JMY: variants seen among roughly 807,000 people sequenced by gnomAD.
JMY encodes the protein junction mediating and regulatory protein, p53 cofactor.
JMY carries 46 observed loss-of-function variants against 103.3 expected under a neutral mutation model. The observed-to-expected ratio is 0.45, with a 90% CI of 0.35 to 0.57. The LOEUF (loss-of-function observed/expected upper bound fraction) is 0.57. JMY is among the 20% of genes least tolerant of loss of function. The probability of loss-of-function intolerance (pLI) is 0.00; values close to 1 mark genes in which losing one functional copy is unlikely to be tolerated. For missense variants in JMY, 1,238 were observed against 1,255.2 expected, an observed-to-expected ratio of 0.99 and a Z score of 0.21; for synonymous variants, 526 against 489.3, an observed-to-expected ratio of 1.07 and a Z score of -0.99.
At chr5:79,305,327 C>T (rs924176868) in intron 6 of JMY, among the ~76,000 whole-genome samples, 1 of 152,016 alleles carries the variant, frequency 6.6e-6, no homozygotes, top group Non-Finnish European at 1.5e-5. Flanking sequence ...TGGCATGCGC[C>T]TGTAGTCCCA....
Position 79,314,284 on chromosome 5 carries a change from T to G in JMY, c.2092T>G (p.Ser698Ala). 1 of 1,613,006 alleles carries G rather than the reference T, an allele frequency of 6.2e-7. No homozygotes were observed. Among genetic ancestry groups the G allele is most frequent in the South Asian group, 1.1e-5 (1 of 90,838 alleles). Reference protein sequence around the residue: ...QRYPGQVILKSTRLRLAHARR... With the variant: ...QRYPGQVILKATRLRLAHARR... The stretch of plus-strand genomic sequence containing the variant: ...GTATCCTGGGCAAGTCATACTTAAA[T>G]CAACCAGATTACGACTAGCTCATGC... The change falls in exon 9 of 11, where the codon TCA (serine) becomes GCA (alanine). Residue 698 changes from serine to alanine, a missense_variant. Transcript: ENST00000396137.
intron 7 of JMY, among the ~76,000 whole-genome samples, chr5:79,310,988 T>C (rs1410385303): frequency 6.6e-6 from 1 of 152,162 alleles, no homozygotes; most frequent in African/African-American, 2.4e-5. Flanking sequence ...TAGCTGGGCA[T>C]GGTGGCGTAT....
At chr5:79,302,261 C>A (rs1448766240) in intron 6 of JMY, among the ~76,000 whole-genome samples, 1 of 152,008 alleles carries the variant, frequency 6.6e-6, no homozygotes, top group Non-Finnish European at 1.5e-5. Flanking sequence ...AATTTGCAAA[C>A]CTGCAAGTTT....
intron 1 of JMY, among the ~76,000 whole-genome samples, chr5:79,265,852 C>T (rs1214728815): frequency 6.7e-6 from 1 of 149,526 alleles, no homozygotes; most frequent in Non-Finnish European, 1.5e-5. Context: ...ACGATCTCGG[C>T]TCACTGCAAC....
At chr5:79,293,715 A>G (rs1258421003) in intron 4 of JMY, among the ~76,000 whole-genome samples, 5 of 152,240 alleles carry the variant, frequency 3.3e-5, no homozygotes, top group Non-Finnish European at 7.3e-5. Flanking sequence ...CTCTTATTTC[A>G]GAATGACTGC....
At position 79,314,303 on chromosome 5, in the gene JMY, C is replaced by T. The variant is rs1288088570; in HGVS notation, c.2111C>T (p.Ala704Val). Residue 704 changes from alanine (A) to valine (V), a missense_variant, in exon 9 of 11, where the codon GCT (alanine) becomes GTT (valine). Coordinates refer to ENST00000396137, the MANE Select transcript of JMY (RefSeq NM_152405.5). ...CTTAAATCAACCAGATTACGACTAG[C>T]TCATGCAAGAAGAAAAGGTGCAGCA... ...VILKSTRLRLAHARRKGAASP... is the reference protein window; with the variant it reads ...VILKSTRLRLVHARRKGAASP... 1.2e-6 allele frequency: 2 copies of T among 1,614,062 alleles called. No homozygotes were observed. The highest frequency in any genetic ancestry group is 1.7e-5 in the Admixed American group (1 of 60,022).
At chr5:79,244,440 G>A (rs1396783979) in intron 1 of JMY, among the ~76,000 whole-genome samples, 1 of 152,134 alleles carries the variant, frequency 6.6e-6, no homozygotes, top group Non-Finnish European at 1.5e-5. Context: ...GGAGAAGATG[G>A]GTGGGAAAAT....
intron 1 of JMY, among the ~76,000 whole-genome samples, chr5:79,266,049 TG>T (rs1745579583): frequency 6.6e-6 from 1 of 152,202 alleles, no homozygotes; most frequent in Non-Finnish European, 1.5e-5. Flanking sequence ...CCCAAAGTGC[TG>T]GGATTATAGG....
intron 1 of JMY, among the ~76,000 whole-genome samples, chr5:79,267,659 C>T (rs1745623258): frequency 6.6e-6 from 1 of 152,264 alleles, no homozygotes; most frequent in Non-Finnish European, 1.5e-5. Flanking sequence ...AAGCAATCCT[C>T]TTACCTTGCT....
intron 4 of JMY, among the ~76,000 whole-genome samples, chr5:79,292,308 G>T (rs1302582353): frequency 6.6e-6 from 1 of 151,788 alleles, no homozygotes; most frequent in East Asian, 1.9e-4. Context: ...TTATAATAGA[G>T]TACCACCTTT....
chr5:79,257,075 A>ATT (rs1269087195), intron 1 of JMY, among the ~76,000 whole-genome samples: 1 of 141,294 alleles, frequency 7.1e-6, no homozygotes, highest in African/African-American at 2.6e-5. Flanking sequence ...ATTTGATTTT[A>ATT]TTTTTTTTTT....
intron 1 of JMY, among the ~76,000 whole-genome samples, chr5:79,270,492 T>A (rs1318511838): frequency 1.2e-5 from 1 of 83,900 alleles, no homozygotes; most frequent in Non-Finnish European, 2.2e-5. Flanking sequence ...AATATTTACA[T>A]AAAATATATA....
chr5:79,303,661 A>C (rs996038666), intron 6 of JMY, among the ~76,000 whole-genome samples: 1 of 152,134 alleles, frequency 6.6e-6, no homozygotes, highest in Non-Finnish European at 1.5e-5. Context: ...AGAAAGGGTA[A>C]TCGAAGTTGG....
At chr5:79,238,640 C>T (rs1580321125) in intron 1 of JMY, among the ~76,000 whole-genome samples, 1 of 138,682 alleles carries the variant, frequency 7.2e-6, no homozygotes, top group East Asian at 2.2e-4. Context: ...CCCCGCCCTC[C>T]GCGCCTTCTT....
intron 1 of JMY, among the ~76,000 whole-genome samples, chr5:79,241,353 C>T: frequency 6.6e-6 from 1 of 152,276 alleles, no homozygotes; most frequent in East Asian, 1.9e-4. Flanking sequence ...TTTATTCTTA[C>T]TATTGCAAGA....
chr5:79,314,725 G>C lies in JMY; in HGVS notation c.2533G>C (p.Glu845Gln). Residue 845 changes from glutamate to glutamine, a missense_variant, in exon 9 of 11, where the codon GAG becomes CAG. Coordinates refer to ENST00000396137, the MANE Select transcript of JMY (RefSeq NM_152405.5). Reference protein sequence around the residue: ...ETLEKDLPRKEGNEKRIPKSA... With the variant: ...ETLEKDLPRKQGNEKRIPKSA... ...ACTGGAGAAAGATCTGCCTAGAAAG[G>C]AGGGGAATGAGAAGAGGATCCCAAA... 6.2e-7 allele frequency: 1 copy of C among 1,609,776 alleles called. No individual in the cohort carries two copies. Among genetic ancestry groups the C allele is most frequent in the Non-Finnish European group, 8.5e-7 (1 of 1,178,716 alleles).
In JMY at chr5:79,322,037, A is replaced by T. The variant is rs1747469336; in HGVS notation, c.*435A>T. The T allele has an allele frequency of 6.6e-6, 1 of 152,246 alleles. No individual in the cohort carries two copies. The highest frequency in any genetic ancestry group is 1.9e-4 in the East Asian group (1 of 5,196). The allele number at this position is 152,246 out of a possible 1,614,324, so 9.4% of individuals were successfully genotyped here. A position where few individuals can be genotyped will look rare whatever the true frequency, so the allele number is the denominator to read the frequency against. ...GTCATCTGAAAAAATAGCTTCTTCC[A>T]TATCAGCTTATATTAAATACTGTGA... On this transcript the variant is annotated 3_prime_UTR_variant, in exon 11 of 11. Transcript: ENST00000396137.
At chr5:79,254,784 C>T (rs1173970923) in intron 1 of JMY, among the ~76,000 whole-genome samples, 1 of 151,864 alleles carries the variant, frequency 6.6e-6, no homozygotes, top group Non-Finnish European at 1.5e-5. Context: ...CTTAGATTTG[C>T]CCTTTCGAGG....
chr5:79,304,472 C>G (rs964709566), intron 6 of JMY, among the ~76,000 whole-genome samples: 10 of 152,034 alleles, frequency 6.6e-5, no homozygotes, highest in African/African-American at 2.4e-4. Flanking sequence ...TAGGTGGTCC[C>G]CGGCTGTGCT....
Sources: allele counts gnomAD v4.1 joint callset (sites outside exome capture counted in the v4.1 genomes callset), GRCh38; gene constraint gnomAD v4.1.1; transcripts MANE v1.5; gene names NCBI Gene and HGNC (gene_info 2026-07-23, HGNC 2026-07-21).